Variants in MKX observed in about 807,000 individuals in gnomAD.
The protein encoded by MKX is mohawk homeobox.
Under a neutral mutation model 36.0 loss-of-function variants are expected in MKX, and 13 were observed. The observed-to-expected ratio is 0.36, with a 90% CI of 0.24 to 0.57. The LOEUF is 0.57. MKX is among the 20% of genes least tolerant of loss of function. MKX has a pLI of 0.79. For synonymous variants in MKX, 176 were observed against 178.3 expected, an observed-to-expected ratio of 0.99 and a Z score of 0.10; for missense variants, 458 against 456.4, an observed-to-expected ratio of 1.00 and a Z score of -0.03.
intron 5 of MKX, among the ~76,000 whole-genome samples, chr10:27,716,762 C>T (rs1589680640): frequency 6.6e-6 from 1 of 152,174 alleles, no homozygotes; most frequent in African/African-American, 2.4e-5. Context: ...AAACCTTACC[C>T]AAATCCCGCT....
chr10:27,731,688 G>T (rs1834633774), intron 5 of MKX, among the ~76,000 whole-genome samples: 1 of 150,970 alleles, frequency 6.6e-6, no homozygotes, highest in African/African-American at 2.4e-5. Flanking sequence ...TTTAAAAATA[G>T]AATTTGGCAA....
intron 5 of MKX, among the ~76,000 whole-genome samples, chr10:27,711,358 C>T (rs754635643): frequency 2.0e-4 from 31 of 152,140 alleles, no homozygotes; most frequent in Non-Finnish European, 4.0e-4. Flanking sequence ...ATTATCTATT[C>T]TTATTTCATA....
intron 5 of MKX, among the ~76,000 whole-genome samples, chr10:27,680,935 G>T (rs1836242877): frequency 6.6e-6 from 1 of 152,138 alleles, no homozygotes; most frequent in Non-Finnish European, 1.5e-5. Context: ...CAGACCACTA[G>T]GATTATTTGA....
At position 27,743,395 on chromosome 10, in the gene MKX, G is replaced by T; in HGVS notation, c.21C>A (p.Asn7Lys). 6.4e-7 allele frequency: 1 copy of T among 1,565,940 alleles called. No individual in the cohort carries two copies. Among genetic ancestry groups the T allele is most frequent in the Non-Finnish European group, 8.6e-7 (1 of 1,158,486 alleles). The change falls in exon 2 of 7, where the codon AAC becomes AAA. Residue 7 changes from asparagine to lysine, a missense_variant. Transcript: ENST00000419761. ...CAAACAGCACCGCACCGCTGAGCTT[G>T]TTGAAGACGATGGTGTTCATGGTGT... MNTIVFNKLSGAVLFED... is the reference protein window; with the variant it reads MNTIVFKKLSGAVLFED...
chr10:27,675,548 A>C lies in MKX; in HGVS notation c.845T>G (p.Leu282Arg). The C allele has an allele frequency of 6.2e-7, 1 of 1,613,928 alleles. No individual in the cohort carries two copies. Among genetic ancestry groups the C allele is most frequent in the South Asian group, 1.1e-5 (1 of 90,982 alleles). Residue 282 changes from leucine to arginine, a missense_variant, in exon 6 of 7, where the codon CTG becomes CGG. Leu to Arg is a moderately radical substitution (Grantham distance 102). This residue lies in a region of MKX where 297 missense variants were observed against 304.4 expected (regional missense o/e 0.98). Transcript: ENST00000419761. ...EGNFVYRTDT[L>R]ENGSNKGESA... ...TTCACCCTTATTGGATCCGTTTTCC[A>C]GAGTGTCTGTAAAGAAAAGCAAAAA...
Position 27,744,375 on chromosome 10 carries a change from G to A in MKX, c.-82-878C>T, listed in dbSNP as rs1834999110. On this transcript the variant is annotated intron_variant, in intron 1 of 6. Coordinates refer to ENST00000419761, the MANE Select transcript of MKX (RefSeq NM_173576.3). The surrounding 1 kb of genome is among the most constrained non-coding windows in gnomAD (Gnocchi z 5.6). The stretch of plus-strand genomic sequence containing the variant: ...CGGGGACCCTTTCAGAGGCTGTAAA[G>A]GTGTCAGAAGCCCAAGGCAGGAGGC... 6.6e-6 allele frequency among the ~76,000 whole-genome samples: 1 copy of A among 152,124 alleles called. No individual in the cohort carries two copies. The highest frequency in any genetic ancestry group is 6.5e-5 in the Admixed American group (1 of 15,284).
intron 5 of MKX, among the ~76,000 whole-genome samples, chr10:27,720,809 G>A (rs919959219): frequency 6.6e-6 from 1 of 152,026 alleles, no homozygotes; most frequent in Non-Finnish European, 1.5e-5. Context: ...GAGGAAGGAA[G>A]GGAAAGAGAA....
intron 1 of MKX, 105 bp from the exon 2 acceptor site, chr10:27,743,602 G>A (rs1589703240): frequency 3.2e-6 from 2 of 618,842 alleles, no homozygotes; most frequent in South Asian, 2.6e-5. Context: ...CGGAGCCGAG[G>A]GGAGGAGCGG....
intron 5 of MKX, among the ~76,000 whole-genome samples, chr10:27,687,494 T>C (rs1473550533): frequency 6.6e-6 from 1 of 152,232 alleles, no homozygotes; most frequent in East Asian, 1.9e-4. Flanking sequence ...GTTAGGGAGC[T>C]ACAGCCCTGG....
chr10:27,735,272 G>C lies in MKX; in HGVS notation c.451C>G (p.Gln151Glu), dbSNP rs770657390. 6.2e-7 allele frequency: 1 copy of C among 1,613,522 alleles called. No individual in the cohort carries two copies. Among genetic ancestry groups the C allele is most frequent in the South Asian group, 1.1e-5 (1 of 90,968 alleles). The change falls in exon 4 of 7, where the codon CAA becomes GAA. Residue 151 changes from glutamine (Q) to glutamate (E), a missense_variant. Around this residue, in one of 3 missense-constraint regions of MKX, gnomAD observed 297 missense variants for 304.4 expected, o/e 0.98. Transcript: ENST00000419761. ...ACGCTAAGCCGTTCAGCATTGCCTT[G>C]AACATACTTGTTGTATAACTTTATT... ...LRIKLYNKYV[Q>E]GNAERLSVSS...
intron 5 of MKX, among the ~76,000 whole-genome samples, chr10:27,701,569 A>G (rs1309202549): frequency 1.4e-5 from 2 of 145,592 alleles, no homozygotes; most frequent in Non-Finnish European, 3.0e-5. Flanking sequence ...ATAATGTATA[A>G]ATGTATATAT....
intron 5 of MKX, among the ~76,000 whole-genome samples, chr10:27,706,659 G>T (rs573361584): frequency 6.6e-6 from 1 of 151,966 alleles, no homozygotes; most frequent in South Asian, 2.1e-4. Context: ...GATTGGTAAT[G>T]CTGAGCATCT....
Position 27,686,391 on chromosome 10 carries a change from GGGA to G in MKX, c.839-10840_839-10838del, listed in dbSNP as rs1564345363. 7.2e-4 allele frequency among the ~76,000 whole-genome samples: 61 copies of G among 85,040 alleles called. 2 individuals carry two copies. The highest frequency in any genetic ancestry group is 4.8e-3 in the African/African-American group (60 of 12,606). The allele number at this position is 85,040 out of a possible 152,430, so 55.8% of individuals were successfully genotyped here. A position where few individuals can be genotyped will look rare whatever the true frequency, so the allele number is the denominator to read the frequency against. On this transcript the variant is annotated intron_variant, in intron 5 of 6. Coordinates refer to ENST00000419761, the MANE Select transcript of MKX (RefSeq NM_173576.3). ...AAGAAAGAAAGGGAAGGGAAGGGAAGGGAAAGGAAGGAAGGAAGGAAGGAAGGA... is the reference window on the plus strand; with the variant it reads ...AAGAAAGAAAGGGAAGGGAAGGGAAGAAGGAAGGAAGGAAGGAAGGAAGGA...
At chr10:27,677,687 A>T (rs942723285) in intron 5 of MKX, among the ~76,000 whole-genome samples, 1 of 152,186 alleles carries the variant, frequency 6.6e-6, no homozygotes, top group African/African-American at 2.4e-5. Context: ...AACAAGGCGA[A>T]CAAACAAAAC....
In MKX at chr10:27,674,896, A is replaced by G. The variant is rs569418915; in HGVS notation, c.*333T>C. On this transcript the variant is annotated 3_prime_UTR_variant, in exon 7 of 7. Coordinates refer to ENST00000419761, the MANE Select transcript of MKX (RefSeq NM_173576.3). ...CGTCTGGAATGATGCACACAGGCTA[A>G]TAAGCATATGGCGTTGGCATTTTGA... 23 of 207,614 alleles carry G rather than the reference A, an allele frequency of 1.1e-4. No individual in the cohort carries two copies. Among genetic ancestry groups the G allele is most frequent in the Non-Finnish European group, 1.9e-4 (20 of 102,602 alleles). The allele number at this position is 207,614 out of a possible 1,614,324, so 12.9% of individuals were successfully genotyped here.
chr10:27,732,613 T>A (rs2132636959), intron 5 of MKX, among the ~76,000 whole-genome samples: 1 of 152,298 alleles, frequency 6.6e-6, no homozygotes, highest in African/African-American at 2.4e-5. Context: ...TTGACCTTTT[T>A]TTATTTTATT....
intron 5 of MKX, among the ~76,000 whole-genome samples, chr10:27,703,219 G>C (rs1836691447): frequency 6.6e-6 from 1 of 152,160 alleles, no homozygotes; most frequent in South Asian, 2.1e-4. Context: ...CTCTTATATA[G>C]CACAGTTTAC....
At chr10:27,712,552 G>A (rs902807684) in intron 5 of MKX, among the ~76,000 whole-genome samples, 4 of 152,186 alleles carry the variant, frequency 2.6e-5, no homozygotes, top group Non-Finnish European at 5.9e-5. Context: ...GGTGCTGTGA[G>A]GCTGGAGACC....
chr10:27,675,083 G>A lies in MKX; in HGVS notation c.*146C>T. ...TTTTATAATTTATATGTCTTTTATA[G>A]AAGCAACTAAATGATATATTTGGGA... On this transcript the variant is annotated 3_prime_UTR_variant, in exon 7 of 7. Coordinates refer to ENST00000419761, the MANE Select transcript of MKX (RefSeq NM_173576.3). The A allele has an allele frequency of 3.2e-6, 2 of 630,416 alleles. No individual in the cohort carries two copies. The highest frequency in any genetic ancestry group is 5.1e-6 in the Non-Finnish European group (2 of 394,058). The allele number at this position is 630,416 out of a possible 1,614,324, so 39.1% of individuals were successfully genotyped here.
Sources: gnomAD v4.1 joint callset for allele counts (sites outside exome capture counted in the v4.1 genomes callset) on GRCh38, gnomAD v4.1.1 for gene constraint, gnomAD v4.1.1 regional missense constraint, Gnocchi (gnomAD v3.1) non-coding constraint, MANE v1.5 for transcripts, NCBI Gene and HGNC (gene_info 2026-07-23, HGNC 2026-07-21) for gene names.